The following BDP1 variants were observed in gnomAD, a reference collection of about 807,000 sequenced individuals.
BDP1 encodes the protein transcription factor TFIIIB component B'' homolog.
A neutral mutation model predicts 266.6 loss-of-function variants in BDP1; 169 were observed. The observed-to-expected ratio is 0.63, with a 90% confidence interval of 0.56 to 0.72. The LOEUF is 0.72. Among genes scored for constraint, BDP1 ranks in the 30% least tolerant of loss-of-function variants. The pLI is 0.00. For missense variants in BDP1, 3,015 were observed against 3,053.8 expected (o/e 0.99, Z 0.30); for synonymous variants, 1,090 against 1,022.4 (o/e 1.07, Z -1.26).
rs1229637936 is a variant in BDP1 at position 71,524,925 on chromosome 5, A to T, written c.5772+602A>T. 9.3e-4 allele frequency among the ~76,000 whole-genome samples: 140 copies of T among 151,030 alleles called. 2 individuals are homozygous for T. The highest frequency in any genetic ancestry group is 2.8e-3 in the African/African-American group (116 of 41,000). On this transcript the variant is annotated intron_variant, in intron 25 of 38. Transcript: ENST00000358731. ...ATTCAACCCTGAGTGGACACAGCAC[A>T]TGTTTCAGAGAGCACAGGGTTGGGG...
chr5:71,515,786 T>G (rs796755900), intron 20 of BDP1, among the ~76,000 whole-genome samples: 84 of 152,280 alleles, frequency 5.5e-4, no homozygotes, highest in African/African-American at 1.9e-3. Flanking sequence ...AAATACTAAC[T>G]CATTCTCCTC....
chr5:71,545,345 T>A, intron 32 of BDP1, 126 bp downstream of exon 32: 1 of 959,682 alleles, frequency 1.0e-6, no homozygotes, highest in Non-Finnish European at 1.5e-6. Flanking sequence ...TTCTTCTTTT[T>A]TTTTTGGAGA....
chr5:71,538,558 A>G (rs1320625262), intron 26 of BDP1, among the ~76,000 whole-genome samples: 2 of 152,222 alleles, frequency 1.3e-5, no homozygotes, highest in East Asian at 3.8e-4. Flanking sequence ...AATCAGTTTC[A>G]CTGAGGAGTG....
Position 71,522,795 on chromosome 5 carries a change from A to G in BDP1, c.5233A>G (p.Arg1745Gly). The G allele has an allele frequency of 2.5e-6, 4 of 1,607,356 alleles. No homozygotes were observed. The highest frequency in any genetic ancestry group is 3.4e-6 in the Non-Finnish European group (4 of 1,178,576). Residue 1745 changes from arginine to glycine, a missense_variant, in exon 24 of 39, where the codon AGA becomes GGA. Arg to Gly is a moderately radical substitution (Grantham distance 125, BLOSUM62 -2). This residue lies in a region of BDP1 where 2,383 missense variants were observed against 2,404.9 expected (regional missense o/e 0.99). Coordinates refer to ENST00000358731, the MANE Select transcript of BDP1 (RefSeq NM_018429.3). ...TCTGACATCTCTGGAGGTTTCAGCA[A>G]GAAAAGATTGTGTAGGTTCCAAAGA... ...ELLTSLEVSA[R>G]KDCVGSKESA...
the BDP1 span, among the ~76,000 whole-genome samples, chr5:71,574,647 G>A: frequency 5.9e-5 from 9 of 152,208 alleles, no homozygotes; most frequent in Non-Finnish European, 1.2e-4. Flanking sequence ...GGGCATTACT[G>A]TAGTCCCAGG....
At chr5:71,524,612 T>C (rs1179212529) in intron 25 of BDP1, among the ~76,000 whole-genome samples, 3 of 147,154 alleles carry the variant, frequency 2.0e-5, no homozygotes, top group African/African-American at 7.6e-5. Flanking sequence ...TTTTTTTTTA[T>C]TTTTTATTTT....
chr5:71,489,434 A>G lies in BDP1; in HGVS notation c.1244A>G (p.Asn415Ser). Residue 415 changes from asparagine to serine, a missense_variant, in exon 10 of 39, where the codon AAT becomes AGT. By Grantham distance (46) the Asn-to-Ser change is conservative. Coordinates refer to ENST00000358731, the MANE Select transcript of BDP1 (RefSeq NM_018429.3). ...AAAGTTGCCTGTGAAGGAGTGAATA[A>G]TGATCCAGATGAGTCTATGAGTTCT... ...VKKVACEGVN[N>S]DPDESMSSRI... 1 of 1,609,940 alleles carries G rather than the reference A, an allele frequency of 6.2e-7. No homozygotes were observed. The highest frequency in any genetic ancestry group is 8.5e-7 in the Non-Finnish European group (1 of 1,179,062).
At chr5:71,495,538 T>C (rs1763833607) in intron 12 of BDP1, 130 bp downstream of exon 12, 1 of 529,724 alleles carries the variant, frequency 1.9e-6, no homozygotes, top group Non-Finnish European at 3.2e-6. Flanking sequence ...AGGGAATCAT[T>C]TAATATGTAA....
intron 34 of BDP1, among the ~76,000 whole-genome samples, chr5:71,552,462 G>A (rs1482055932): frequency 2.4e-4 from 36 of 152,392 alleles, no homozygotes; most frequent in Admixed American, 2.6e-4. Context: ...GGGAGGCCAA[G>A]GCAGGCGGCT....
chr5:71,459,511 A>G (rs1442070530), intron 2 of BDP1, among the ~76,000 whole-genome samples: 1 of 152,064 alleles, frequency 6.6e-6, no homozygotes, highest in East Asian at 1.9e-4. Flanking sequence ...AACTGTCTCC[A>G]AAAAAAAGAC....
intron 26 of BDP1, among the ~76,000 whole-genome samples, chr5:71,538,054 G>A (rs1168828280): frequency 6.6e-6 from 1 of 152,184 alleles, no homozygotes; most frequent in African/African-American, 2.4e-5. Context: ...TCATTAAAGG[G>A]TGTTGGAATT....
chr5:71,562,209 A>G, intron 37 of BDP1, 65 bp from the exon 38 acceptor site: 1 of 1,184,328 alleles, frequency 8.4e-7, no homozygotes, highest in Non-Finnish European at 1.1e-6. Context: ...AAAAAAAAAA[A>G]AAAAAAAAAA....
intron 7 of BDP1, chr5:71,476,056 A>G (rs944095981): frequency 6.5e-6 from 1 of 153,138 alleles, no homozygotes; most frequent in Non-Finnish European, 1.5e-5. Context: ...CAATCTGTCC[A>G]CTTTCCTCTT....
chr5:71,498,469 G>A (rs1253905256), intron 13 of BDP1, among the ~76,000 whole-genome samples: 1 of 151,662 alleles, frequency 6.6e-6, no homozygotes, highest in African/African-American at 2.4e-5. Context: ...TGTTGCCCAG[G>A]CTGGAGTGCA....
At chr5:71,484,568 A>G (rs1763145642) in intron 8 of BDP1, among the ~76,000 whole-genome samples, 1 of 152,180 alleles carries the variant, frequency 6.6e-6, no homozygotes, top group Non-Finnish European at 1.5e-5. Context: ...TGAAGGAATG[A>G]TAGATATCTT....
chr5:71,478,177 G>C lies in BDP1; in HGVS notation c.1015-5665G>C, dbSNP rs188461673. 4.9e-3 allele frequency among the ~76,000 whole-genome samples: 742 copies of C among 152,284 alleles called. 11 individuals are homozygous for C. Among genetic ancestry groups the C allele is most frequent in the African/African-American group, 0.017 (687 of 41,548 alleles). On this transcript the variant is annotated intron_variant, in intron 7 of 38. Coordinates refer to ENST00000358731, the MANE Select transcript of BDP1 (RefSeq NM_018429.3). ...AGGCAGGAGAGTCGCTTGAACCCGG[G>C]AGGTGGAGGTTGCGATGGCCGAAAT...
intron 13 of BDP1, 54 bp from the exon 14 acceptor site, chr5:71,501,508 A>T (rs1201845449): frequency 2.7e-6 from 3 of 1,103,946 alleles, no homozygotes; most frequent in Non-Finnish European, 4.1e-6. Context: ...TGTTTATTAC[A>T]AAGTTTGAAC....
chr5:71,559,950 T>C, intron 36 of BDP1, 32 bp from the exon 37 acceptor site: 2 of 1,607,688 alleles, frequency 1.2e-6, no homozygotes, highest in Non-Finnish European at 1.7e-6. Context: ...AACTTCAGTA[T>C]CCTTGCTTTC....
At chr5:71,534,315 C>G (rs1214928454) in intron 26 of BDP1, among the ~76,000 whole-genome samples, 2 of 152,152 alleles carry the variant, frequency 1.3e-5, no homozygotes, top group Non-Finnish European at 2.9e-5. Context: ...ATCCATTTGT[C>G]CTATCACCAT....
Sources: allele counts gnomAD v4.1 joint callset (sites outside exome capture counted in the v4.1 genomes callset), GRCh38; gene constraint gnomAD v4.1.1; regional missense constraint gnomAD v4.1.1; transcripts MANE v1.5; gene names NCBI Gene and HGNC (gene_info 2026-07-23, HGNC 2026-07-21).